Variants in FGF12 observed in about 807,000 individuals in gnomAD.
FGF12 encodes fibroblast growth factor 12.
Under a neutral mutation model 23.6 loss-of-function variants are expected in FGF12, and 14 were observed. That is an observed-to-expected ratio of 0.59 (90% CI 0.39 to 0.93). The LOEUF (loss-of-function observed/expected upper bound fraction) is 0.93. FGF12 is among the 40% of genes least tolerant of loss of function. FGF12 has a pLI of 0.00. For missense variants in FGF12, 175 were observed against 217.8 expected, an observed-to-expected ratio of 0.80 and a Z score of 1.24; for synonymous variants, 62 against 77.3, an observed-to-expected ratio of 0.80 and a Z score of 1.04.
At position 192,640,881 on chromosome 3, in the gene FGF12, T is replaced by C. The variant is rs932515401; in HGVS notation, c.13+86300A>G. Among the ~76,000 whole-genome samples, 5 of 152,052 alleles carry C rather than the reference T, an allele frequency of 3.3e-5. No homozygotes were observed. In the East Asian group the frequency reaches 5.8e-4, roughly 18 times the overall value. Reference sequence around the variant, plus strand: ...AGGTTGGAGTGCAGTGTCCCGATCATGGCTCACTGCCCCCTCAATCTCCTG... The same window carrying C: ...AGGTTGGAGTGCAGTGTCCCGATCACGGCTCACTGCCCCCTCAATCTCCTG... On this transcript the variant is annotated intron_variant, in intron 2 of 5. Transcript: ENST00000445105.
chr3:192,241,307 G>A (rs34482232), intron 4 of FGF12, among the ~76,000 whole-genome samples: 2 of 152,136 alleles, frequency 1.3e-5, no homozygotes, highest in African/African-American at 2.4e-5. Flanking sequence ...TGACTGGGTG[G>A]GAGAGTGATA....
intron 2 of FGF12, among the ~76,000 whole-genome samples, chr3:192,595,662 T>C (rs924801555): frequency 5.3e-5 from 8 of 152,190 alleles, no homozygotes; most frequent in African/African-American, 1.9e-4. Flanking sequence ...ATGTTGCTAG[T>C]GCAGGGACCA....
intron 2 of FGF12, among the ~76,000 whole-genome samples, chr3:192,438,279 C>T (rs1402294941): frequency 2.0e-5 from 3 of 152,194 alleles, no homozygotes; most frequent in African/African-American, 4.8e-5. Context: ...TAGCTCATGA[C>T]CCTCTACTCT....
chr3:192,446,714 GAAT>G (rs2108799473), intron 2 of FGF12, among the ~76,000 whole-genome samples: 1 of 152,198 alleles, frequency 6.6e-6, no homozygotes, highest in East Asian at 1.9e-4. Context: ...TCCTCACCTT[GAAT>G]AATATTTTCC....
chr3:192,229,666 T>C (rs9850715), intron 4 of FGF12, among the ~76,000 whole-genome samples: 18,893 of 152,088 alleles, frequency 0.12, 1,270 homozygotes, highest in East Asian at 0.23. Context: ...ATGAGGTAAA[T>C]GTATATTTCT....
intron 2 of FGF12, among the ~76,000 whole-genome samples, chr3:192,554,229 G>A (rs1485441043): frequency 6.6e-6 from 1 of 152,176 alleles, no homozygotes; most frequent in Admixed American, 6.5e-5. Context: ...TCTCCTTTGT[G>A]GGGTCATGCC....
At chr3:192,274,589 G>C (rs1307572134) in intron 4 of FGF12, among the ~76,000 whole-genome samples, 2 of 133,438 alleles carry the variant, frequency 1.5e-5, no homozygotes, top group African/African-American at 2.7e-5. Context: ...GAGAGAAGAG[G>C]GGAAAGAGAG....
chr3:192,364,916 A>C (rs1718900187), intron 2 of FGF12, among the ~76,000 whole-genome samples: 1 of 152,186 alleles, frequency 6.6e-6, no homozygotes, highest in South Asian at 2.1e-4. Flanking sequence ...ATCAAGGCTA[A>C]TATCATCAAT....
intron 5 of FGF12, among the ~76,000 whole-genome samples, chr3:192,165,583 C>T (rs1199854611): frequency 1.3e-5 from 2 of 151,080 alleles, no homozygotes. Context: ...AGAAGTGATG[C>T]ATTGTTAATT....
chr3:192,469,512 T>C lies in FGF12; in HGVS notation c.14-108974A>G, dbSNP rs145837442. Among the ~76,000 whole-genome samples the C allele has an allele frequency of 1.4e-4, 21 of 152,282 alleles. No homozygotes were observed. In the East Asian group the frequency reaches 4.1e-3, roughly 29 times the overall value. On this transcript the variant is annotated intron_variant, in intron 2 of 5. Coordinates refer to ENST00000445105, the MANE Select transcript of FGF12 (RefSeq NM_004113.6). ...AACCTGGCTCCCAGAGGACAATCAA[T>C]AGCAGAGCTTGTCCTCCACAATAAC...
chr3:192,182,440 T>C (rs972548160), intron 4 of FGF12, among the ~76,000 whole-genome samples: 2 of 152,142 alleles, frequency 1.3e-5, no homozygotes, highest in South Asian at 2.1e-4. Flanking sequence ...AAAACAAAGA[T>C]GACTATAAGG....
At chr3:192,499,837 C>T (rs904148765) in intron 2 of FGF12, among the ~76,000 whole-genome samples, 8 of 151,828 alleles carry the variant, frequency 5.3e-5, no homozygotes, top group Admixed American at 3.9e-4. Flanking sequence ...TGTGAGCCAC[C>T]GTGCCCGGCC....
At chr3:192,185,513 C>T (rs1250344160) in intron 4 of FGF12, among the ~76,000 whole-genome samples, 1 of 151,974 alleles carries the variant, frequency 6.6e-6, no homozygotes, top group African/African-American at 2.4e-5. Flanking sequence ...CTTAACTCAA[C>T]TGTTTACATT....
Position 192,514,927 on chromosome 3 carries a change from C to G in FGF12, c.14-154389G>C, listed in dbSNP as rs1724615849. On this transcript the variant is annotated intron_variant, in intron 2 of 5. Transcript: ENST00000445105. This position sits in a 1 kb window ranked among gnomAD's most constrained non-coding sequence, Gnocchi z 4.9. ...AGCCCGGGCGCCGGCAGGGGGCGGG[C>G]CGGGACGCGGAAGTGCCGGTCCGCC... The G allele has an allele frequency of 2.1e-6, 2 of 961,532 alleles. No homozygotes were observed. Among genetic ancestry groups the G allele is most frequent in the South Asian group, 9.6e-5 (2 of 20,822 alleles). The allele number at this position is 961,532 out of a possible 1,614,324, so 59.6% of individuals were successfully genotyped here. A position where few individuals can be genotyped will look rare whatever the true frequency, so the allele number is the denominator to read the frequency against.
At position 192,442,053 on chromosome 3, in the gene FGF12, G is replaced by A. The variant is rs75374705; in HGVS notation, c.14-81515C>T. ...AGTAACTATATAGATCAAAATTAGA[G>A]CATTGTTGAGTGAGACTTTCTTTTG... On this transcript the variant is annotated intron_variant, in intron 2 of 5. Coordinates refer to ENST00000445105, the MANE Select transcript of FGF12 (RefSeq NM_004113.6). 7.2e-3 allele frequency among the ~76,000 whole-genome samples: 1,095 copies of A among 152,322 alleles called. 10 individuals are homozygous for A. The highest frequency in any genetic ancestry group is 0.025 in the African/African-American group (1,055 of 41,570).
In FGF12 at chr3:192,409,908, C is replaced by T. The variant is rs574636896; in HGVS notation, c.14-49370G>A. Among the ~76,000 whole-genome samples the T allele has an allele frequency of 2.7e-4, 41 of 151,738 alleles. No homozygotes were observed. In the East Asian group the frequency reaches 7.7e-3, roughly 28 times the overall value. On this transcript the variant is annotated intron_variant, in intron 2 of 5. Transcript: ENST00000445105. The surrounding 1 kb of genome is among the most constrained non-coding windows in gnomAD (Gnocchi z 4.8). ...CGCGGGCTTGCGGGGCGCCCCCCGC[C>T]GCCGCGCCGCCGCCTCCCCAGGCCC...
At chr3:192,642,038 C>T (rs1268483184) in intron 2 of FGF12, among the ~76,000 whole-genome samples, 1 of 152,064 alleles carries the variant, frequency 6.6e-6, no homozygotes. Flanking sequence ...TTAGACATAC[C>T]CAGAACTTGA....
At chr3:192,282,171 T>C (rs999281054) in intron 4 of FGF12, among the ~76,000 whole-genome samples, 2 of 152,192 alleles carry the variant, frequency 1.3e-5, no homozygotes, top group Admixed American at 1.3e-4. Flanking sequence ...ATTGTCTGAT[T>C]AATTCCTTAG....
intron 4 of FGF12, among the ~76,000 whole-genome samples, chr3:192,215,266 G>A (rs1310398115): frequency 6.6e-6 from 1 of 152,090 alleles, no homozygotes; most frequent in Admixed American, 6.6e-5. Flanking sequence ...ATTAGACTCT[G>A]CACTAATCTC....
Sources: allele counts gnomAD v4.1 joint callset (sites outside exome capture counted in the v4.1 genomes callset), GRCh38; gene constraint gnomAD v4.1.1; non-coding constraint Gnocchi (gnomAD v3.1); transcripts MANE v1.5; gene names NCBI Gene and HGNC (gene_info 2026-07-23, HGNC 2026-07-21).